Variants in ROBO2 observed in about 807,000 individuals in gnomAD.
The protein encoded by ROBO2 is roundabout homolog 2.
ROBO2 carries 53 observed loss-of-function variants against 160.8 expected under a neutral mutation model. The observed-to-expected ratio is 0.33, with a 90% CI of 0.26 to 0.41. ROBO2 has a LOEUF of 0.41. Ranked by LOEUF, ROBO2 falls within the 10% of genes least tolerant of loss-of-function variation. The probability of loss-of-function intolerance (pLI) is 1.00; values close to 1 mark genes in which losing one functional copy is unlikely to be tolerated. For synonymous variants in ROBO2, 664 were observed against 611.7 expected (o/e 1.09, Z -1.26); for missense variants, 1,577 against 1,722.4 (o/e 0.92, Z 1.49).
At chr3:77,574,945 G>T (rs1345675859) in intron 14 of ROBO2, among the ~76,000 whole-genome samples, 1 of 151,844 alleles carries the variant, frequency 6.6e-6, no homozygotes, top group Non-Finnish European at 1.5e-5. Context: ...GTAACCATTT[G>T]CACCAAATCT....
At chr3:76,846,908 T>A (rs2068826038) in intron 2 of ROBO2, among the ~76,000 whole-genome samples, 1 of 152,146 alleles carries the variant, frequency 6.6e-6, no homozygotes, top group African/African-American at 2.4e-5. Flanking sequence ...GTGATTCACA[T>A]CTTTCCTGGA....
At chr3:75,932,370 C>G (rs574281411) in intron 1 of ROBO2, among the ~76,000 whole-genome samples, 82 of 152,218 alleles carry the variant, frequency 5.4e-4, no homozygotes, top group Non-Finnish European at 1.0e-3. Context: ...TCATTCAGAT[C>G]AGAAAAACTG....
chr3:76,152,811 T>A (rs937548262), intron 2 of ROBO2, among the ~76,000 whole-genome samples: 4 of 152,200 alleles, frequency 2.6e-5, no homozygotes, highest in African/African-American at 9.6e-5. Context: ...TTTTATTCAC[T>A]CAATACAATT....
chr3:76,107,198 T>TACTA (rs2069978695), intron 2 of ROBO2, among the ~76,000 whole-genome samples: 1 of 152,098 alleles, frequency 6.6e-6, no homozygotes, highest in African/African-American at 2.4e-5. Context: ...TAGTTATTGT[T>TACTA]ACTACTCCAT....
chr3:77,097,301 T>A (rs532747009), intron 1 of ROBO2, among the ~76,000 whole-genome samples: 3 of 152,226 alleles, frequency 2.0e-5, no homozygotes, highest in Non-Finnish European at 4.4e-5. Flanking sequence ...TAAATGTAAT[T>A]TTTTTCGGGG....
At chr3:76,897,291 C>T (rs994512005) in intron 2 of ROBO2, among the ~76,000 whole-genome samples, 61 of 150,906 alleles carry the variant, frequency 4.0e-4, no homozygotes, top group African/African-American at 1.4e-3. Flanking sequence ...AAAAAAAATG[C>T]TGGCTTTAAC....
intron 2 of ROBO2, among the ~76,000 whole-genome samples, chr3:77,294,630 A>G (rs1213899303): frequency 2.7e-5 from 4 of 149,558 alleles, no homozygotes; most frequent in Non-Finnish European, 5.9e-5. Context: ...TGACGGTTAA[A>G]CGGGTAAGCT....
At chr3:77,052,198 A>G (rs555570178) in intron 1 of ROBO2, among the ~76,000 whole-genome samples, 1 of 152,338 alleles carries the variant, frequency 6.6e-6, no homozygotes, top group South Asian at 2.1e-4. Context: ...AGTACAGGCC[A>G]TGAATCATGA....
chr3:76,459,112 C>T (rs2077945803), intron 2 of ROBO2, among the ~76,000 whole-genome samples: 1 of 152,124 alleles, frequency 6.6e-6, no homozygotes. Context: ...AAAACACTTT[C>T]CTTTTGGCTC....
At chr3:77,327,365 G>C (rs1363119925) in intron 2 of ROBO2, among the ~76,000 whole-genome samples, 2 of 152,138 alleles carry the variant, frequency 1.3e-5, no homozygotes, top group African/African-American at 4.8e-5. Context: ...TGACAGGTCT[G>C]TATCTTCTGG....
intron 2 of ROBO2, among the ~76,000 whole-genome samples, chr3:76,081,648 C>G (rs899153448): frequency 5.9e-5 from 9 of 152,070 alleles, no homozygotes; most frequent in African/African-American, 2.2e-4. Flanking sequence ...CAGAAAGCAA[C>G]CCATGTCTTA....
chr3:76,717,556 A>T (rs1255640196), intron 2 of ROBO2, among the ~76,000 whole-genome samples: 1 of 152,110 alleles, frequency 6.6e-6, no homozygotes, highest in Non-Finnish European at 1.5e-5. Flanking sequence ...GGAGAGTGTA[A>T]ATGTGAGTAT....
chr3:76,636,867 C>G (rs79345686), intron 2 of ROBO2, among the ~76,000 whole-genome samples: 1 of 151,858 alleles, frequency 6.6e-6, no homozygotes, highest in Admixed American at 6.6e-5. Context: ...TAATATCTTC[C>G]GATGTCCCGT....
chr3:75,993,761 A>G (rs2065640647), intron 2 of ROBO2, among the ~76,000 whole-genome samples: 1 of 152,204 alleles, frequency 6.6e-6, no homozygotes, highest in South Asian at 2.1e-4. Flanking sequence ...GAAGCACCTC[A>G]TGACAATGAG....
At chr3:77,306,456 A>G (rs1009789989) in intron 2 of ROBO2, among the ~76,000 whole-genome samples, 1 of 152,186 alleles carries the variant, frequency 6.6e-6, no homozygotes, top group African/African-American at 2.4e-5. Context: ...GATGAAATAT[A>G]TCTCACATTA....
intron 16 of ROBO2, among the ~76,000 whole-genome samples, chr3:77,584,635 G>A (rs1210831295): frequency 6.6e-6 from 1 of 151,852 alleles, no homozygotes; most frequent in East Asian, 1.9e-4. Flanking sequence ...TATATTAAAA[G>A]CATTGTAGAG....
At chr3:76,569,174 G>T (rs1413210365) in intron 2 of ROBO2, among the ~76,000 whole-genome samples, 6 of 152,012 alleles carry the variant, frequency 3.9e-5, no homozygotes, top group Non-Finnish European at 2.9e-5. Flanking sequence ...AAGACAGTTT[G>T]GAGACAGGTA....
intron 2 of ROBO2, among the ~76,000 whole-genome samples, chr3:76,421,823 A>C (rs899480442): frequency 6.6e-6 from 1 of 152,198 alleles, no homozygotes; most frequent in Non-Finnish European, 1.5e-5. Context: ...CCTGAAAGAA[A>C]TTTTTGGCAT....
At chr3:77,524,242 A>G (rs1371429129) in intron 6 of ROBO2, among the ~76,000 whole-genome samples, 3 of 150,784 alleles carry the variant, frequency 2.0e-5, no homozygotes, top group Non-Finnish European at 4.5e-5. Flanking sequence ...ATTCTTCATT[A>G]GTTAACAGGT....
Sources: gnomAD v4.1 joint callset for allele counts (sites outside exome capture counted in the v4.1 genomes callset) on GRCh38, gnomAD v4.1.1 for gene constraint, MANE v1.5 for transcripts, NCBI Gene and HGNC (gene_info 2026-07-23, HGNC 2026-07-21) for gene names.